Variants in LMTK3 observed in about 807,000 individuals in gnomAD.
LMTK3 encodes serine/threonine-protein kinase LMTK3.
In LMTK3, 27 loss-of-function variants were observed where a neutral mutation model predicts 116.7. That is an observed-to-expected ratio of 0.23 (90% CI 0.17 to 0.32). The LOEUF is 0.32. Ranked by LOEUF, LMTK3 falls within the 10% of genes least tolerant of loss-of-function variation. The pLI is 1.00. For missense variants in LMTK3, 1,764 were observed against 2,068.5 expected, an observed-to-expected ratio of 0.85 and a Z score of 2.86; for synonymous variants, 965 against 971.0, an observed-to-expected ratio of 0.99 and a Z score of 0.11.
In LMTK3 at chr19:48,501,156, CAG is replaced by C. The variant is rs1569104859; in HGVS notation, c.1002-13_1002-12del. On this transcript the variant is annotated splice_polypyrimidine_tract_variant and intron_variant, in intron 9 of 14. Coordinates refer to ENST00000600059, the MANE Select transcript of LMTK3 (RefSeq NM_001388485.1). Reference sequence around the variant, plus strand: ...GTCACCCCCAGGGACCTGCAGAGAGCAGAGAGAGGTCAGAGCCCAGCCCTGAC... The same window carrying C: ...GTCACCCCCAGGGACCTGCAGAGAGCAGAGAGGTCAGAGCCCAGCCCTGAC... The C allele has an allele frequency of 6.2e-7, 1 of 1,611,106 alleles. No individual in the cohort carries two copies. The highest frequency in any genetic ancestry group is 1.1e-5 in the South Asian group (1 of 90,712).
Position 48,501,567 on chromosome 19 carries a change from G to T in LMTK3, c.795-5C>A. 1 of 1,603,644 alleles carries T rather than the reference G, an allele frequency of 6.2e-7. No homozygotes were observed. ...CAGTTGCGCAGGGCCAGGTCGCTGC[G>T]GGAAGAACGCGAGGAGGTGAGCGCA... is the stretch of plus-strand genomic sequence containing the variant. On this transcript the variant is annotated splice_region_variant and splice_polypyrimidine_tract_variant and intron_variant, in intron 7 of 14. Coordinates refer to ENST00000600059, the MANE Select transcript of LMTK3 (RefSeq NM_001388485.1).
intron 3 of LMTK3, 116 bp downstream of exon 3, chr19:48,509,907 C>G: frequency 4.3e-6 from 5 of 1,164,764 alleles, no homozygotes; most frequent in Non-Finnish European, 6.1e-6. Flanking sequence ...CCCACCTATG[C>G]CTTTCCCATT....
At chr19:48,493,576 G>A (rs1380337893) in intron 12 of LMTK3, 118 bp downstream of exon 12, 12 of 726,510 alleles carry the variant, frequency 1.7e-5, no homozygotes, top group Middle Eastern at 6.5e-4. Context: ...CTCCAGCTCC[G>A]CCTCCCTCCA....
At chr19:48,487,997 G>C (rs767000752) in intron 14 of LMTK3, among the ~76,000 whole-genome samples, 10 of 152,132 alleles carry the variant, frequency 6.6e-5, no homozygotes, top group Non-Finnish European at 1.3e-4. Context: ...ATGGTCTTGG[G>C]AGCCAGACAG....
Position 48,510,122 on chromosome 19 carries a change from C to G in LMTK3, c.262G>C (p.Ala88Pro), listed in dbSNP as rs1275536411. 1 of 1,613,784 alleles carries G rather than the reference C, an allele frequency of 6.2e-7. No individual in the cohort carries two copies. The highest frequency in any genetic ancestry group is 2.2e-5 in the East Asian group (1 of 44,868). Reference protein sequence around the residue: ...EDCSGEYTPPAEETSSSQSLP... With the variant: ...EDCSGEYTPPPEETSSSQSLP... ...GACTGTGAGGAGGAGGTCTCCTCCG[C>G]AGGGGGAGTGTACTCCCCGGAGCAG... The change falls in exon 3 of 15, where the codon GCG becomes CCG. Residue 88 changes from alanine (A) to proline (P), a missense_variant. Transcript: ENST00000600059.
At chr19:48,512,994 C>T (rs1184540373), upstream of LMTK3, 1 of 705,468 alleles carries the variant, frequency 1.4e-6, no homozygotes, top group Non-Finnish European at 2.6e-6. Context: ...ACACCTTTCA[C>T]ACAAGGTTAC....
Position 48,510,507 on chromosome 19 carries a change from G to T in LMTK3, c.162C>A (p.Phe54Leu). Residue 54 changes from phenylalanine (F) to leucine (L), a missense_variant, in exon 2 of 15, where the codon TTC (phenylalanine) becomes TTA (leucine). Transcript: ENST00000600059. ...TGCAGCACAGACAGGTGAGGAGGAGGAAGATGAAGGCCAGCAGGCCGGAGC... is the reference window on the plus strand; with the variant it reads ...TGCAGCACAGACAGGTGAGGAGGAGTAAGATGAAGGCCAGCAGGCCGGAGC... ...ISCSGLLAFI[F>L]LLLTCLCCKR... 6.3e-7 allele frequency: 1 copy of T among 1,598,796 alleles called. No individual in the cohort carries two copies. Among genetic ancestry groups the T allele is most frequent in the Non-Finnish European group, 8.5e-7 (1 of 1,172,864 alleles).
chr19:48,503,927 G>C (rs1314932789), intron 5 of LMTK3, among the ~76,000 whole-genome samples: 5 of 151,556 alleles, frequency 3.3e-5, no homozygotes, highest in Non-Finnish European at 5.9e-5. Context: ...GAGTGCAATG[G>C]AGTGATCTCA....
chr19:48,485,578 C>T lies in LMTK3; in HGVS notation c.*195G>A. 1 of 489,158 alleles carries T rather than the reference C, an allele frequency of 2.0e-6. No individual in the cohort carries two copies. The highest frequency in any genetic ancestry group is 4.6e-5 in the Admixed American group (1 of 21,628). 30.3% of individuals were successfully genotyped at this position (489,158 alleles called of 1,614,324 possible). ...AGGGGGTCAGGGGGGTCAGGGGAGC[C>T]ATCTGGGGGGCTGGGGGGCGGGGGC... On this transcript the variant is annotated 3_prime_UTR_variant, in exon 15 of 15. Coordinates refer to ENST00000600059, the MANE Select transcript of LMTK3 (RefSeq NM_001388485.1).
At chr19:48,489,870 G>C (rs1972191817) in intron 14 of LMTK3, among the ~76,000 whole-genome samples, 1 of 152,158 alleles carries the variant, frequency 6.6e-6, no homozygotes, top group Non-Finnish European at 1.5e-5. Flanking sequence ...CTGATACCGG[G>C]GAGCACCACC....
chr19:48,491,112 G>C lies in LMTK3; in HGVS notation c.4362C>G (p.Pro1454=), dbSNP rs774505954. ...GPPARAPDAR[P]AGPVEN is the part of the protein sequence containing the mutation. ...GCAGGGCCGAGGATATGGTACCTGC[G>C]GGCCGGGCGTCGGGGGCCCGGGCGG... Residue 1454 remains proline, a synonymous_variant, in exon 14 of 15, where the codon CCC becomes CCG. Coordinates refer to ENST00000600059, the MANE Select transcript of LMTK3 (RefSeq NM_001388485.1). This position sits in a 1 kb window ranked among gnomAD's most constrained non-coding sequence, Gnocchi z 5.1. The C allele has an allele frequency of 2.2e-6, 3 of 1,368,066 alleles. No homozygotes were observed. Among genetic ancestry groups the C allele is most frequent in the Non-Finnish European group, 2.8e-6 (3 of 1,061,342 alleles). The allele number at this position is 1,368,066 out of a possible 1,614,324, so 84.7% of individuals were successfully genotyped here.
chr19:48,491,797 C>G lies in LMTK3; in HGVS notation c.4093-258G>C, dbSNP rs1291149951. ...CCGCGCACAGCTAAGTAGCCCAACG[C>G]AGGGATTCTCTCCTGGCTCATTAAC... On this transcript the variant is annotated intron_variant, in intron 12 of 14. Coordinates refer to ENST00000600059, the MANE Select transcript of LMTK3 (RefSeq NM_001388485.1). The surrounding 1 kb of genome is among the most constrained non-coding windows in gnomAD (Gnocchi z 5.1). 6.6e-6 allele frequency among the ~76,000 whole-genome samples: 1 copy of G among 152,170 alleles called. No individual in the cohort carries two copies. The highest frequency in any genetic ancestry group is 2.4e-5 in the African/African-American group (1 of 41,422).
Position 48,491,613 on chromosome 19 carries a change from A to G in LMTK3, c.4093-74T>C, listed in dbSNP as rs568691191. On this transcript the variant is annotated intron_variant, in intron 12 of 14. Transcript: ENST00000600059. This position sits in a 1 kb window ranked among gnomAD's most constrained non-coding sequence, Gnocchi z 5.1. Reference sequence around the variant, plus strand: ...CCATTTACCGCATCCCCCAAAAGCAACAAAACCGGCTAATATTTCTGGGGC... The same window carrying G: ...CCATTTACCGCATCCCCCAAAAGCAGCAAAACCGGCTAATATTTCTGGGGC... 7.0e-5 allele frequency: 86 copies of G among 1,228,452 alleles called. No homozygotes were observed. The African/African-American group carries it at 1.2e-3, about 18-fold the overall frequency. 76.1% of individuals were successfully genotyped at this position (1,228,452 alleles called of 1,614,324 possible). A position where few individuals can be genotyped will look rare whatever the true frequency, so the allele number is the denominator to read the frequency against.
Position 48,499,590 on chromosome 19 carries a change from C to T in LMTK3, c.1479G>A (p.Gly493=), listed in dbSNP as rs914191845. The T allele has an allele frequency of 1.1e-5, 17 of 1,533,356 alleles. No homozygotes were observed. The highest frequency in any genetic ancestry group is 1.4e-5 in the Non-Finnish European group (16 of 1,141,208). 95.0% of individuals were successfully genotyped at this position (1,533,356 alleles called of 1,614,324 possible). A position where few individuals can be genotyped will look rare whatever the true frequency, so the allele number is the denominator to read the frequency against. Reference sequence around the variant, plus strand: ...CCGACGCCGGCTGCCAGGCAGGTGCCCCCCCACCCCGGCCGGCCCCACGCC... The same window carrying T: ...CCGACGCCGGCTGCCAGGCAGGTGCTCCCCCACCCCGGCCGGCCCCACGCC... ...KARRGAGRGG[G]APAWQPASAP... is the part of the protein sequence containing the mutation. The change falls in exon 11 of 15, where the codon GGG becomes GGA. Residue 493 remains glycine, a synonymous_variant. Transcript: ENST00000600059.
chr19:48,502,627 T>G, intron 6 of LMTK3, 46 bp from the exon 7 acceptor site: 1 of 1,510,014 alleles, frequency 6.6e-7, no homozygotes, highest in Non-Finnish European at 8.8e-7. Flanking sequence ...CGCTCAGGTC[T>G]CCAGCTAGTC....
intron 5 of LMTK3, 118 bp from the exon 6 acceptor site, chr19:48,503,114 T>C (rs1184285416): frequency 1.4e-6 from 1 of 708,964 alleles, no homozygotes. Context: ...TGTTTGTTTG[T>C]TTGTTTTGAG....
At chr19:48,496,891 A>AT in intron 11 of LMTK3, among the ~76,000 whole-genome samples, 2 of 152,368 alleles carry the variant, frequency 1.3e-5, no homozygotes, top group Admixed American at 1.3e-4. Flanking sequence ...AAAGTAGCAG[A>AT]TTCGCCAACA....
At position 48,508,842 on chromosome 19, in the gene LMTK3, C is replaced by A. The variant is rs751048238; in HGVS notation, c.557+9G>T. The A allele has an allele frequency of 4.4e-6, 7 of 1,602,108 alleles. 1 individual carries two copies. In the South Asian group the frequency reaches 5.5e-5, roughly 13 times the overall value. On this transcript the variant is annotated intron_variant, in intron 5 of 14. Transcript: ENST00000600059. ...ACAAGGCACACACCCACTGAGAAAC[C>A]CTCAGTACCTGTACGGCTGTGCTTC...
chr19:48,494,324 A>T lies in LMTK3; in HGVS notation c.3677-215T>A, dbSNP rs955122925. ...AGAGCTCCCCAGTGCCAACGGCTTT[A>T]AGCCGCAACTTCCCACAGCCCACCA... On this transcript the variant is annotated intron_variant, in intron 11 of 14. Transcript: ENST00000600059. This position sits in a 1 kb window ranked among gnomAD's most constrained non-coding sequence, Gnocchi z 4.0. Among the ~76,000 whole-genome samples, 3 of 152,210 alleles carry T rather than the reference A, an allele frequency of 2.0e-5. No individual in the cohort carries two copies. The highest frequency in any genetic ancestry group is 4.4e-5 in the Non-Finnish European group (3 of 67,986).
Sources: gnomAD v4.1 joint callset for allele counts (sites outside exome capture counted in the v4.1 genomes callset) on GRCh38, gnomAD v4.1.1 for gene constraint, Gnocchi (gnomAD v3.1) non-coding constraint, MANE v1.5 for transcripts, NCBI Gene and HGNC (gene_info 2026-07-23, HGNC 2026-07-21) for gene names.